Variants in NBAS observed in about 807,000 individuals in gnomAD.
The protein encoded by NBAS is NBAS subunit of NRZ tethering complex, also known as NAG/BC035112 fusion.
Under a neutral mutation model 302.5 loss-of-function variants are expected in NBAS, and 219 were observed. That is an observed-to-expected ratio of 0.72 (90% CI 0.65 to 0.81). NBAS has a LOEUF of 0.81. Ranked by LOEUF, NBAS falls within the 30% of genes least tolerant of loss-of-function variation. The probability of loss-of-function intolerance (pLI) is 0.00; values close to 1 mark genes in which losing one functional copy is unlikely to be tolerated. For synonymous variants in NBAS, 1,118 were observed against 1,021.6 expected (o/e 1.09, Z -1.80); for missense variants, 2,932 against 2,841.6 (o/e 1.03, Z -0.72).
chr2:15,474,118 G>A lies in NBAS; in HGVS notation c.1548C>T (p.Tyr516=), dbSNP rs374540493. Residue 516 remains tyrosine, a synonymous_variant, in exon 15 of 52, where the codon TAC becomes TAT. Coordinates refer to ENST00000281513, the MANE Select transcript of NBAS (RefSeq NM_015909.4). ...TCGTGGAGCGCAAACTCACAAGGCG[G>A]TAGTTTTTAGTAATGGTTCGTGGGC... ...RKRPRTITKN[Y]RLVSLRSTTP... is the part of the protein sequence containing the mutation. The A allele has an allele frequency of 9.9e-6, 16 of 1,614,178 alleles. No homozygotes were observed. The highest frequency in any genetic ancestry group is 1.3e-5 in the Non-Finnish European group (15 of 1,180,022).
chr2:14,848,535 A>T, the NBAS span, among the ~76,000 whole-genome samples: 1 of 143,204 alleles, frequency 7.0e-6, no homozygotes, highest in African/African-American at 2.9e-5. Flanking sequence ...TGCTTAGGTA[A>T]ACAAAGCGGC....
At chr2:14,942,568 C>A in the NBAS span, among the ~76,000 whole-genome samples, 3,009 of 152,214 alleles carry the variant, frequency 0.02, 61 homozygotes, top group South Asian at 0.046. Flanking sequence ...GAACCATGAG[C>A]CAATTCAACT....
the NBAS span, among the ~76,000 whole-genome samples, chr2:14,969,363 T>C: frequency 6.6e-6 from 1 of 151,544 alleles, no homozygotes; most frequent in Admixed American, 6.6e-5. Flanking sequence ...GAAAATAATA[T>C]CTCAAAGTTA....
intron 31 of NBAS, among the ~76,000 whole-genome samples, 164 bp downstream of exon 31, chr2:15,374,444 G>C (rs554447799): frequency 1.3e-5 from 2 of 151,754 alleles, no homozygotes; most frequent in East Asian, 3.9e-4. Flanking sequence ...TTTCTTTTGG[G>C]TTTCCACTTG....
At chr2:15,073,078 C>T in the NBAS span, among the ~76,000 whole-genome samples, 8 of 152,120 alleles carry the variant, frequency 5.3e-5, no homozygotes, top group South Asian at 2.1e-4. Context: ...GAGCTGAGAT[C>T]GCACTGCTGC....
At chr2:14,851,196 GA>G in the NBAS span, among the ~76,000 whole-genome samples, 2 of 133,590 alleles carry the variant, frequency 1.5e-5, no homozygotes, top group Non-Finnish European at 3.0e-5. Flanking sequence ...GACTAATAAA[GA>G]AAAAAAGAGG....
intron 48 of NBAS, 49 bp downstream of exon 48, chr2:15,218,724 G>A (rs747539323): frequency 1.1e-5 from 18 of 1,611,520 alleles, no homozygotes; most frequent in Admixed American, 6.7e-5. Context: ...AACCGCGTCC[G>A]GCCTAATTAT....
At chr2:15,274,856 G>A (rs112371865) in intron 44 of NBAS, among the ~76,000 whole-genome samples, 3,395 of 151,840 alleles carry the variant, frequency 0.022, 82 homozygotes, top group African/African-American at 0.056. Flanking sequence ...CCTCCGTTTC[G>A]TAGGTTCAAG....
chr2:15,148,515 TGGTACCTGTGTGAAGTCTA>T, the NBAS span, among the ~76,000 whole-genome samples: 4 of 151,822 alleles, frequency 2.6e-5, no homozygotes, highest in African/African-American at 9.7e-5. Context: ...ACGTGCAGAG[TGGTACCTGTGTGAAGTCTA>T]GGAATGGGAA....
At chr2:15,036,084 C>A in the NBAS span, among the ~76,000 whole-genome samples, 2 of 152,138 alleles carry the variant, frequency 1.3e-5, no homozygotes, top group South Asian at 4.2e-4. Context: ...ATTCTCACGC[C>A]AACAGAAAGA....
At chr2:15,142,532 G>A in the NBAS span, among the ~76,000 whole-genome samples, 1 of 152,220 alleles carries the variant, frequency 6.6e-6, no homozygotes, top group South Asian at 2.1e-4. Context: ...ATATTTGAGG[G>A]AACGCTCCCC....
intron 19 of NBAS, among the ~76,000 whole-genome samples, chr2:15,465,986 C>T (rs993143926): frequency 2.0e-4 from 31 of 152,062 alleles, no homozygotes; most frequent in African/African-American, 4.8e-4. Context: ...ATCAACATGA[C>T]GTGTTTTAAA....
At chr2:15,418,313 C>T (rs1677045443) in intron 23 of NBAS, among the ~76,000 whole-genome samples, 1 of 152,166 alleles carries the variant, frequency 6.6e-6, no homozygotes, top group Admixed American at 6.5e-5. Flanking sequence ...CAGGAAACAG[C>T]CATTTGACCC....
At position 15,287,254 on chromosome 2, in the gene NBAS, G is replaced by C. The variant is rs945334558; in HGVS notation, c.5028-71C>G. On this transcript the variant is annotated intron_variant, in intron 41 of 51. Coordinates refer to ENST00000281513, the MANE Select transcript of NBAS (RefSeq NM_015909.4). ...CATGACTTCAATCAGCAACGAAAAT[G>C]CTCATTAGGACTGCTCTCCAGTGAG... 3.3e-6 allele frequency: 4 copies of C among 1,199,738 alleles called. No individual in the cohort carries two copies. The African/African-American group carries it at 6.0e-5, about 18-fold the overall frequency. 74.3% of individuals were successfully genotyped at this position (1,199,738 alleles called of 1,614,324 possible). A position where few individuals can be genotyped will look rare whatever the true frequency, so the allele number is the denominator to read the frequency against.
chr2:15,253,733 C>G (rs887726356), intron 44 of NBAS, among the ~76,000 whole-genome samples: 13 of 152,288 alleles, frequency 8.5e-5, no homozygotes, highest in Non-Finnish European at 1.9e-4. Flanking sequence ...GACTCTGATA[C>G]ATTGTTCTGA....
At chr2:15,100,327 C>G in the NBAS span, among the ~76,000 whole-genome samples, 1 of 152,114 alleles carries the variant, frequency 6.6e-6, no homozygotes, top group Admixed American at 6.6e-5. Context: ...TTAAAAAGAT[C>G]CAAGAGTGTG....
chr2:15,090,129 G>A, the NBAS span, among the ~76,000 whole-genome samples: 7 of 152,174 alleles, frequency 4.6e-5, no homozygotes, highest in East Asian at 1.9e-4. Context: ...AGCTCAGCAC[G>A]TCAAGTCCCT....
chr2:15,503,009 T>C (rs1458566069), intron 11 of NBAS, among the ~76,000 whole-genome samples: 1 of 152,238 alleles, frequency 6.6e-6, no homozygotes, highest in African/African-American at 2.4e-5. Flanking sequence ...TTTTATGCTT[T>C]TACTTTTTAC....
At chr2:14,848,831 G>T in the NBAS span, among the ~76,000 whole-genome samples, 3 of 150,988 alleles carry the variant, frequency 2.0e-5, no homozygotes, top group Admixed American at 6.6e-5. Context: ...CACCTCACAC[G>T]GCAGGGTATT....
Sources: gnomAD v4.1 joint callset for allele counts (sites outside exome capture counted in the v4.1 genomes callset) on GRCh38, gnomAD v4.1.1 for gene constraint, MANE v1.5 for transcripts, NCBI Gene and HGNC (gene_info 2026-07-23, HGNC 2026-07-21) for gene names.